Variants in LRBA observed in about 807,000 individuals in gnomAD.
LRBA encodes lipopolysaccharide-responsive and beige-like anchor protein.
In LRBA, 176 loss-of-function variants were observed where a neutral mutation model predicts 330.0. The ratio of observed to expected loss-of-function variants is 0.53; its 90% CI spans 0.47 to 0.60. The LOEUF (loss-of-function observed/expected upper bound fraction) is 0.60. Among genes scored for constraint, LRBA ranks in the 20% least tolerant of loss-of-function variants. LRBA has a pLI of 0.00. For missense variants in LRBA, 3,259 were observed against 3,444.8 expected (o/e 0.95, Z 1.35); for synonymous variants, 1,230 against 1,193.0 (o/e 1.03, Z -0.64).
At chr4:150,615,839 G>A (rs1316142883) in intron 37 of LRBA, among the ~76,000 whole-genome samples, 2 of 151,952 alleles carry the variant, frequency 1.3e-5, no homozygotes, top group Non-Finnish European at 2.9e-5. Flanking sequence ...GCAAGCAGAA[G>A]TGATTGAGGC....
chr4:150,490,905 T>G lies in LRBA; in HGVS notation c.6448+13A>C, dbSNP rs1367251012. ...AGTTAGCTCTGTAACAACGTATTTC[T>G]GTAACACATTACCTCTGTTTGCCAT... On this transcript the variant is annotated intron_variant, in intron 41 of 56. Coordinates refer to ENST00000651943, the MANE Select transcript of LRBA (RefSeq NM_001364905.1). 6.7e-7 allele frequency: 1 copy of G among 1,486,104 alleles called. No homozygotes were observed. The highest frequency in any genetic ancestry group is 9.4e-7 in the Non-Finnish European group (1 of 1,067,702). The allele number at this position is 1,486,104 out of a possible 1,614,324, so 92.1% of individuals were successfully genotyped here.
intron 34 of LRBA, among the ~76,000 whole-genome samples, chr4:150,768,633 G>A (rs1560790644): frequency 6.6e-6 from 1 of 152,064 alleles, no homozygotes; most frequent in Non-Finnish European, 1.5e-5. Flanking sequence ...ATAACAAAGG[G>A]AACTCATGCA....
chr4:150,700,909 C>T (rs1785058884), intron 36 of LRBA, among the ~76,000 whole-genome samples: 1 of 151,954 alleles, frequency 6.6e-6, no homozygotes, highest in Admixed American at 6.6e-5. Context: ...AGGGGTGTAC[C>T]ACCACACCCC....
chr4:150,443,295 C>A (rs1752070005), intron 44 of LRBA, among the ~76,000 whole-genome samples: 1 of 152,100 alleles, frequency 6.6e-6, no homozygotes, highest in African/African-American at 2.4e-5. Context: ...GGTGGTGATT[C>A]CTCAGGGATC....
intron 36 of LRBA, among the ~76,000 whole-genome samples, chr4:150,711,338 C>G (rs1355053407): frequency 6.6e-6 from 1 of 151,382 alleles, no homozygotes. Flanking sequence ...CAGGTTCAAA[C>G]AATTCTCCTG....
At chr4:150,841,094 C>A in intron 28 of LRBA, 2 of 545,516 alleles carry the variant, frequency 3.7e-6, no homozygotes, top group Non-Finnish European at 2.8e-6. Flanking sequence ...TTTTTATAAA[C>A]CACCCCTTTT....
intron 5 of LRBA, among the ~76,000 whole-genome samples, chr4:150,918,218 G>A (rs1732861253): frequency 6.6e-6 from 1 of 152,106 alleles, no homozygotes; most frequent in Non-Finnish European, 1.5e-5. Context: ...CTGAATACCT[G>A]ATAAAGGACT....
chr4:150,682,045 C>T lies in LRBA; in HGVS notation c.5921+1506G>A, dbSNP rs62346266. ...GATCCCATCAAAATAACCCATGAAA[C>T]GCTTGACATAAGTTATCTAAATGTG... On this transcript the variant is annotated intron_variant, in intron 37 of 56. Transcript: ENST00000651943. 9.2e-3 allele frequency among the ~76,000 whole-genome samples: 1,407 copies of T among 152,194 alleles called. 9 individuals are homozygous for T. Among genetic ancestry groups the T allele is most frequent in the Non-Finnish European group, 0.016 (1,110 of 67,988 alleles).
chr4:150,415,448 A>G lies in LRBA; in HGVS notation c.7184T>C (p.Ile2395Thr). The change falls in exon 47 of 57, where the codon ATA becomes ACA. Residue 2395 changes from isoleucine (I) to threonine (T), a missense_variant. By Grantham distance (89) the Ile-to-Thr change is moderately conservative. Coordinates refer to ENST00000651943, the MANE Select transcript of LRBA (RefSeq NM_001364905.1). ...TGATTATTATCTTACCAATCTGTTT[A>G]TGTGAACAAATTCTTCTGAGGTTTT... Reference protein sequence around the residue: ...WAKTSEEFVHINRLALESEFV... With the variant: ...WAKTSEEFVHTNRLALESEFV... 2 of 1,613,404 alleles carry G rather than the reference A, an allele frequency of 1.2e-6. No individual in the cohort carries two copies. The highest frequency in any genetic ancestry group is 1.7e-6 in the Non-Finnish European group (2 of 1,179,676).
At chr4:150,770,023 C>G (rs1421230575) in intron 34 of LRBA, among the ~76,000 whole-genome samples, 1 of 152,144 alleles carries the variant, frequency 6.6e-6, no homozygotes, top group Non-Finnish European at 1.5e-5. Context: ...CACAACAGAT[C>G]AGCATTTGAA....
At position 150,612,866 on chromosome 4, in the gene LRBA, A is replaced by G. The variant is rs541431936; in HGVS notation, c.5922-13735T>C. On this transcript the variant is annotated intron_variant, in intron 37 of 56. Transcript: ENST00000651943. ...AACCCAGAGTGATAGAAAGGCAAAGAGTAATCACATTTGTTTTAAAGGGAC... is the reference window on the plus strand; with the variant it reads ...AACCCAGAGTGATAGAAAGGCAAAGGGTAATCACATTTGTTTTAAAGGGAC... Among the ~76,000 whole-genome samples, 290 of 152,352 alleles carry G rather than the reference A, an allele frequency of 1.9e-3. 3 individuals are homozygous for G. The highest frequency in any genetic ancestry group is 6.7e-3 in the African/African-American group (279 of 41,592).
intron 30 of LRBA, among the ~76,000 whole-genome samples, chr4:150,820,473 T>C (rs1033568943): frequency 6.6e-6 from 1 of 152,018 alleles, no homozygotes; most frequent in East Asian, 1.9e-4. Context: ...CTCTAACATA[T>C]AAAATTATTT....
intron 2 of LRBA, among the ~76,000 whole-genome samples, chr4:150,986,036 G>C (rs989928237): frequency 6.6e-6 from 1 of 151,930 alleles, no homozygotes; most frequent in African/African-American, 2.4e-5. Flanking sequence ...GACCAGGCTG[G>C]TCTTGAACTC....
At chr4:150,679,550 C>T (rs1289120346) in intron 37 of LRBA, 1 of 152,028 alleles carries the variant, frequency 6.6e-6, no homozygotes, top group East Asian at 1.9e-4. Flanking sequence ...ATTTGATTTA[C>T]TGAAGAAAAA....
intron 35 of LRBA, among the ~76,000 whole-genome samples, chr4:150,738,369 C>G (rs1731501237): frequency 6.6e-6 from 1 of 151,990 alleles, no homozygotes; most frequent in African/African-American, 2.4e-5. Flanking sequence ...CACAGGTCCC[C>G]AAACAACAAA....
intron 4 of LRBA, among the ~76,000 whole-genome samples, chr4:150,926,677 C>A (rs1273331): frequency 0.13 from 20,154 of 151,896 alleles, 2,068 homozygotes; most frequent in African/African-American, 0.27. Flanking sequence ...GAATGAAAAA[C>A]CAAGAGCATT....
In LRBA at chr4:150,636,945, G is replaced by A. The variant is rs193120490; in HGVS notation, c.5922-37814C>T. Among the ~76,000 whole-genome samples the A allele has an allele frequency of 2.0e-4, 30 of 152,188 alleles. No individual in the cohort carries two copies. The East Asian group carries it at 5.8e-3, about 29-fold the overall frequency. ...TTACAGGCGTGAACTATCACACCTG[G>A]CTTAAGTTTATTTTTTGATGCCAAT... On this transcript the variant is annotated intron_variant, in intron 37 of 56. Transcript: ENST00000651943.
At chr4:150,869,113 G>A (rs887606070) in intron 20 of LRBA, among the ~76,000 whole-genome samples, 4 of 151,840 alleles carry the variant, frequency 2.6e-5, no homozygotes, top group East Asian at 2.0e-4. Flanking sequence ...TAGAGACAGC[G>A]TTTCTCCGTC....
intron 40 of LRBA, among the ~76,000 whole-genome samples, chr4:150,558,997 A>G (rs575866481): frequency 3.7e-4 from 57 of 152,288 alleles, no homozygotes; most frequent in African/African-American, 1.1e-3. Flanking sequence ...AAATATCACC[A>G]TTGAAGGGCA....
Sources: gnomAD v4.1 joint callset for allele counts (sites outside exome capture counted in the v4.1 genomes callset) on GRCh38, gnomAD v4.1.1 for gene constraint, MANE v1.5 for transcripts, NCBI Gene and HGNC (gene_info 2026-07-23, HGNC 2026-07-21) for gene names.